Variants in NHS observed in about 807,000 individuals in gnomAD.
NHS encodes actin remodeling regulator NHS.
In NHS, 5 loss-of-function variants were observed where a neutral mutation model predicts 72.5. The ratio of observed to expected loss-of-function variants is 0.07; its 90% CI spans 0.04 to 0.14. The LOEUF is 0.14. NHS is among the 10% of genes least tolerant of loss of function. The pLI is 1.00. For synonymous variants in NHS, 464 were observed against 547.7 expected (o/e 0.85, Z 2.13); for missense variants, 1,072 against 1,355.7 (o/e 0.79, Z 3.29).
At chrX:17,408,941 A>AC (rs1247655946) in intron 1 of NHS, among the ~76,000 whole-genome samples, 2 of 104,623 alleles carry the variant, frequency 1.9e-5, no homozygotes, top group African/African-American at 7.9e-5. Flanking sequence ...AGAGGGAGAA[A>AC]CCGACGGAGA....
At chrX:17,627,510 GCA>G (rs1429847801) in intron 1 of NHS, among the ~76,000 whole-genome samples, 1 of 111,744 alleles carries the variant, frequency 8.9e-6, no homozygotes, top group African/African-American at 3.3e-5. Context: ...CAGCAACTGT[GCA>G]CCATCTTGAA....
chrX:17,541,797 C>CACACACACACACAA (rs2065265271), intron 1 of NHS, among the ~76,000 whole-genome samples: 1 of 106,733 alleles, frequency 9.4e-6, no homozygotes, highest in Non-Finnish European at 1.9e-5. Context: ...CACACACACA[C>CACACACACACACAA]ACACACACAC....
chrX:17,693,004 G>C (rs1376251790), intron 3 of NHS, among the ~76,000 whole-genome samples: 1 of 111,858 alleles, frequency 8.9e-6, no homozygotes, highest in African/African-American at 3.3e-5. Context: ...GGGTGAACTG[G>C]TAAAGAACTT....
At chrX:17,516,796 C>T (rs908380923) in intron 1 of NHS, among the ~76,000 whole-genome samples, 1 of 111,802 alleles carries the variant, frequency 8.9e-6, no homozygotes, top group African/African-American at 3.3e-5. Context: ...CACACACGTG[C>T]ACATACACAT....
chrX:17,573,640 G>A (rs961509348), intron 1 of NHS, among the ~76,000 whole-genome samples: 1 of 110,095 alleles, frequency 9.1e-6, no homozygotes, highest in Non-Finnish European at 1.9e-5. Flanking sequence ...CCTTCAGCTC[G>A]GAAAAGTTTA....
At chrX:17,406,982 A>G (rs2064532198) in intron 1 of NHS, among the ~76,000 whole-genome samples, 1 of 111,853 alleles carries the variant, frequency 8.9e-6, no homozygotes, top group Non-Finnish European at 1.9e-5. Flanking sequence ...AACAGCAGAA[A>G]GAAAGTTTCC....
chrX:17,607,824 G>A (rs1011968374), intron 1 of NHS, among the ~76,000 whole-genome samples: 2 of 110,125 alleles, frequency 1.8e-5, no homozygotes, highest in Admixed American at 9.7e-5. Context: ...CTAGTCGACA[G>A]TGCAGCCCTA....
chrX:17,402,849 G>C (rs759142990), intron 1 of NHS, among the ~76,000 whole-genome samples: 3 of 112,167 alleles, frequency 2.7e-5, no homozygotes, highest in Non-Finnish European at 5.6e-5. Context: ...GAGGGTATTA[G>C]GGGGCTTGAG....
intron 1 of NHS, among the ~76,000 whole-genome samples, chrX:17,636,855 T>C (rs187016009): frequency 1.5e-3 from 172 of 112,238 alleles, no homozygotes; most frequent in Non-Finnish European, 2.8e-3. Flanking sequence ...TATCAGTTTG[T>C]TCAGGACATT....
At position 17,687,874 on chromosome X, in the gene NHS, GCCTGCAAGC is replaced by G; in HGVS notation, c.704_712del (p.Gln235_Leu237del). ...GAGCTGCACCGCCACGCCCGGCAGA[GCCTGCAAGC>G]CCTGCGCAGAGGTGACAGATCCTGG... On this transcript the variant is annotated inframe_deletion, in exon 2 of 9. Coordinates refer to ENST00000676302, the MANE Select transcript of NHS (RefSeq NM_001291867.2). 1.7e-6 allele frequency: 2 copies of G among 1,211,875 alleles called. No homozygotes were observed. The highest frequency in any genetic ancestry group is 2.2e-6 in the Non-Finnish European group (2 of 895,528).
intron 8 of NHS, among the ~76,000 whole-genome samples, chrX:17,729,855 C>T (rs774012569): frequency 3.7e-4 from 41 of 112,294 alleles, no homozygotes; most frequent in African/African-American, 1.2e-3. Context: ...TCTTTTCTAC[C>T]TCATAAAGTT....
chrX:17,413,526 A>G (rs7472600), intron 1 of NHS, among the ~76,000 whole-genome samples: 9,158 of 112,146 alleles, frequency 0.082, 936 homozygotes, highest in African/African-American at 0.28. Context: ...TAGATTGATT[A>G]ATCGTTTCAG....
At chrX:17,578,869 A>G (rs915579894) in intron 1 of NHS, among the ~76,000 whole-genome samples, 1 of 111,817 alleles carries the variant, frequency 8.9e-6, no homozygotes, top group African/African-American at 3.3e-5. Flanking sequence ...CATCTCCTGC[A>G]GTGTTGGAGA....
At chrX:17,501,864 A>C (rs1052387302) in intron 1 of NHS, among the ~76,000 whole-genome samples, 1 of 112,285 alleles carries the variant, frequency 8.9e-6, no homozygotes, top group Non-Finnish European at 1.9e-5. Context: ...AGAAAACATG[A>C]TCACTATCCT....
chrX:17,620,494 T>A (rs555710974), intron 1 of NHS, among the ~76,000 whole-genome samples: 1 of 110,415 alleles, frequency 9.1e-6, no homozygotes, highest in African/African-American at 3.3e-5. Flanking sequence ...GACACAGTAG[T>A]GCACAAGACA....
At chrX:17,647,193 A>T (rs2065909896) in intron 1 of NHS, among the ~76,000 whole-genome samples, 1 of 112,729 alleles carries the variant, frequency 8.9e-6, no homozygotes, top group South Asian at 3.6e-4. Context: ...TAGCTGAAGG[A>T]TCAAGTAATA....
chrX:17,485,652 T>C (rs991944340), intron 1 of NHS, among the ~76,000 whole-genome samples: 1 of 111,033 alleles, frequency 9.0e-6, no homozygotes, highest in African/African-American at 3.3e-5. Context: ...GGGGGTGGGG[T>C]TCCGGATGGA....
In NHS at chrX:17,586,837, C is replaced by G. The variant is rs764808561; in HGVS notation, c.566-100905C>G. The G allele has an allele frequency of 4.5e-5, 5 of 112,322 alleles. No homozygotes were observed. The South Asian group carries it at 1.5e-3, about 33-fold the overall frequency. 9.3% of individuals were successfully genotyped at this position (112,322 alleles called of 1,213,427 possible). The stretch of plus-strand genomic sequence containing the variant: ...CCCTGAAAAAACTTTCTTGGCTGTG[C>G]TGTAGGCTTTACACAGGCTTGTTAT... On this transcript the variant is annotated intron_variant, in intron 1 of 8. Transcript: ENST00000676302.
At chrX:17,414,591 G>A (rs1055068373) in intron 1 of NHS, among the ~76,000 whole-genome samples, 2 of 111,610 alleles carry the variant, frequency 1.8e-5, no homozygotes, top group Non-Finnish European at 3.8e-5. Flanking sequence ...TCTCTAAGAC[G>A]TTACTAGCAG....
Sources: allele counts gnomAD v4.1 joint callset (sites outside exome capture counted in the v4.1 genomes callset), GRCh38; gene constraint gnomAD v4.1.1; transcripts MANE v1.5; gene names NCBI Gene and HGNC (gene_info 2026-07-23, HGNC 2026-07-21).